The following APBA2 variants were observed in gnomAD, a reference collection of about 807,000 sequenced individuals.
The protein encoded by APBA2 is amyloid-beta A4 precursor protein-binding family A member 2.
APBA2 carries 30 observed loss-of-function variants against 75.0 expected under a neutral mutation model. The observed-to-expected ratio is 0.40, with a 90% CI of 0.30 to 0.54. The LOEUF (loss-of-function observed/expected upper bound fraction) is 0.54, where lower values mean the gene tolerates loss of function less well. Among genes scored for constraint, APBA2 ranks in the 20% least tolerant of loss-of-function variants. APBA2 has a pLI of 0.49. For missense variants in APBA2, 801 were observed against 1,016.1 expected (o/e 0.79, Z 2.88); for synonymous variants, 444 against 409.6 (o/e 1.08, Z -1.01).
At chr15:28,927,344 TTTTTTG>T (rs140980295) in intron 2 of APBA2, among the ~76,000 whole-genome samples, 16,772 of 151,734 alleles carry the variant, frequency 0.11, 965 homozygotes, top group East Asian at 0.2. Flanking sequence ...TTTTTGTTTT[TTTTTTG>T]TTTTGTTTTG....
chr15:28,943,552 A>G (rs1180291146), intron 2 of APBA2, among the ~76,000 whole-genome samples: 1 of 152,260 alleles, frequency 6.6e-6, no homozygotes, highest in Non-Finnish European at 1.5e-5. Context: ...GGAGGCTTTC[A>G]GTGCCACAGC....
chr15:28,951,613 C>A (rs1220731768), intron 2 of APBA2, among the ~76,000 whole-genome samples: 1 of 151,892 alleles, frequency 6.6e-6, no homozygotes, highest in Non-Finnish European at 1.5e-5. Context: ...TGAGACAAAG[C>A]CTTGCTCTGT....
At chr15:28,915,954 A>G (rs1433291548) in intron 1 of APBA2, among the ~76,000 whole-genome samples, 2 of 151,996 alleles carry the variant, frequency 1.3e-5, no homozygotes, top group Non-Finnish European at 2.9e-5. Context: ...ACTACCCACC[A>G]CATCACATAC....
intron 2 of APBA2, among the ~76,000 whole-genome samples, chr15:28,951,709 C>G (rs1346488430): frequency 1.3e-5 from 2 of 151,892 alleles, no homozygotes; most frequent in Non-Finnish European, 2.9e-5. Flanking sequence ...CTCAGCCTCC[C>G]TAGTAGCTGG....
In APBA2 at chr15:29,016,836, C is replaced by T. The variant is rs545484232; in HGVS notation, c.-41+21030C>T. On this transcript the variant is annotated intron_variant, in intron 3 of 14. Transcript: ENST00000683413. ...TGCTTCTCCTTTGCTCCTCTGTCTCCGTTTCTCTCTCCCTGCATTTTGTCT... is the reference window on the plus strand; with the variant it reads ...TGCTTCTCCTTTGCTCCTCTGTCTCTGTTTCTCTCTCCCTGCATTTTGTCT... 9.2e-5 allele frequency among the ~76,000 whole-genome samples: 14 copies of T among 152,214 alleles called. No individual in the cohort carries two copies. In the South Asian group the frequency reaches 1.2e-3, roughly 14 times the overall value.
chr15:28,997,666 C>G (rs1566888505), intron 3 of APBA2, among the ~76,000 whole-genome samples: 5 of 152,140 alleles, frequency 3.3e-5, no homozygotes, highest in African/African-American at 1.2e-4. Context: ...TTGACGTTTT[C>G]CTTATGGAAC....
chr15:28,900,248 G>T (rs1182647935), intron 1 of APBA2, among the ~76,000 whole-genome samples: 1 of 152,204 alleles, frequency 6.6e-6, no homozygotes, highest in Non-Finnish European at 1.5e-5. Context: ...TGGCAGTGTG[G>T]CTGTGTGGGA....
chr15:29,107,824 C>G (rs1192873781), intron 12 of APBA2, among the ~76,000 whole-genome samples: 2 of 152,218 alleles, frequency 1.3e-5, no homozygotes, highest in African/African-American at 4.8e-5. Context: ...CCCTGCCCTG[C>G]AGGAGGTCCG....
Position 28,887,921 on chromosome 15 carries a change from C to T in APBA2, c.-205+1643C>T, listed in dbSNP as rs1465714001. ...TGTGGTCTGTGCCCCTCCCTACTGC[C>T]GGTCTCCTGGGCTCCTGGGATGGGA... On this transcript the variant is annotated intron_variant, in intron 1 of 14. Transcript: ENST00000683413. Among the ~76,000 whole-genome samples, 16 of 152,166 alleles carry T rather than the reference C, an allele frequency of 1.1e-4. No homozygotes were observed. In the South Asian group the frequency reaches 3.1e-3, roughly 30 times the overall value.
chr15:28,957,229 T>C (rs1271976375), intron 2 of APBA2, among the ~76,000 whole-genome samples: 1 of 139,594 alleles, frequency 7.2e-6, no homozygotes, highest in Non-Finnish European at 1.5e-5. Flanking sequence ...CCCGCCACCG[T>C]GCCTGGCTAA....
intron 3 of APBA2, among the ~76,000 whole-genome samples, chr15:29,014,703 T>A (rs1475424574): frequency 7.3e-6 from 1 of 137,226 alleles, no homozygotes; most frequent in Non-Finnish European, 1.5e-5. Flanking sequence ...ATCATTTGAC[T>A]GTTTTTTTTT....
At chr15:28,893,366 C>T (rs2032260325) in intron 1 of APBA2, among the ~76,000 whole-genome samples, 1 of 152,242 alleles carries the variant, frequency 6.6e-6, no homozygotes, top group African/African-American at 2.4e-5. Flanking sequence ...ACACCTGGCA[C>T]TACCTCCAGC....
chr15:28,930,285 G>C (rs2034495184), intron 2 of APBA2, among the ~76,000 whole-genome samples: 1 of 152,200 alleles, frequency 6.6e-6, no homozygotes, highest in Non-Finnish European at 1.5e-5. Flanking sequence ...GTCCATCTGG[G>C]TGGGCGCTGA....
At chr15:29,111,974 C>G (rs1032073713) in intron 13 of APBA2, among the ~76,000 whole-genome samples, 2 of 152,178 alleles carry the variant, frequency 1.3e-5, no homozygotes, top group Non-Finnish European at 2.9e-5. Context: ...CCTCTACTTT[C>G]AGGAGCCTGG....
intron 3 of APBA2, among the ~76,000 whole-genome samples, chr15:29,043,145 A>C (rs1462616495): frequency 2.0e-5 from 3 of 152,226 alleles, no homozygotes; most frequent in African/African-American, 7.2e-5. Context: ...TACGGCATTA[A>C]TGCTGCTTTC....
chr15:29,072,206 T>C (rs1364325548), intron 4 of APBA2, among the ~76,000 whole-genome samples: 9 of 152,164 alleles, frequency 5.9e-5, no homozygotes. Context: ...TTGATTTCTT[T>C]GGGGTTTTTT....
intron 3 of APBA2, among the ~76,000 whole-genome samples, chr15:29,021,919 A>G (rs939582810): frequency 2.0e-5 from 3 of 152,042 alleles, no homozygotes; most frequent in Non-Finnish European, 2.9e-5. Flanking sequence ...TGCCTGGCCT[A>G]TTTCACTTAA....
intron 1 of APBA2, among the ~76,000 whole-genome samples, chr15:28,916,776 C>G (rs1474951056): frequency 6.6e-6 from 1 of 152,224 alleles, no homozygotes; most frequent in Non-Finnish European, 1.5e-5. Flanking sequence ...TTGACTCTTC[C>G]AGCACGTGAA....
At chr15:29,081,780 G>C (rs1312800337) in intron 6 of APBA2, among the ~76,000 whole-genome samples, 2 of 152,244 alleles carry the variant, frequency 1.3e-5, no homozygotes, top group African/African-American at 2.4e-5. Context: ...ATGTGGGATG[G>C]GGTATTAACC....
Sources: gnomAD v4.1 joint callset for allele counts (sites outside exome capture counted in the v4.1 genomes callset) on GRCh38, gnomAD v4.1.1 for gene constraint, MANE v1.5 for transcripts, NCBI Gene and HGNC (gene_info 2026-07-23, HGNC 2026-07-21) for gene names.